Variants in SULT6B1 observed in about 807,000 individuals in gnomAD.
SULT6B1 encodes the protein sulfotransferase family 6B member 1.
A neutral mutation model predicts 37.2 loss-of-function variants in SULT6B1; 44 were observed. The observed-to-expected ratio is 1.18, with a 90% confidence interval of 0.93 to 1.52. The LOEUF is 1.52. Among genes scored for constraint, SULT6B1 ranks in the 40% most tolerant of loss-of-function variants. SULT6B1 has a pLI of 0.00. For missense variants in SULT6B1, 450 were observed against 361.0 expected (o/e 1.25, Z -2.00); for synonymous variants, 140 against 126.0 (o/e 1.11, Z -0.74).
intron 4 of SULT6B1, among the ~76,000 whole-genome samples, chr2:37,177,411 C>CAAAA (rs57205863): frequency 3.4e-3 from 254 of 75,724 alleles, no homozygotes; most frequent in Non-Finnish European, 4.4e-3. Flanking sequence ...AATCTTGTCT[C>CAAAA]AAAAAAAAAA....
intron 2 of SULT6B1, among the ~76,000 whole-genome samples, chr2:37,185,031 T>A (rs1676641444): frequency 6.6e-6 from 1 of 152,170 alleles, no homozygotes; most frequent in Admixed American, 6.6e-5. Flanking sequence ...TCCTCTTAGG[T>A]AGATATCGTA....
intron 2 of SULT6B1, among the ~76,000 whole-genome samples, chr2:37,185,174 G>C (rs1676644461): frequency 6.6e-6 from 1 of 152,096 alleles, no homozygotes; most frequent in Non-Finnish European, 1.5e-5. Flanking sequence ...ATCATGTACA[G>C]ACACATGAGA....
intron 3 of SULT6B1, among the ~76,000 whole-genome samples, chr2:37,182,276 C>A (rs1676570053): frequency 7.4e-6 from 1 of 134,648 alleles, no homozygotes; most frequent in South Asian, 2.4e-4. Flanking sequence ...TTTTTTGAGA[C>A]AAGGTCTCGC....
chr2:37,183,684 C>T (rs931003827), intron 2 of SULT6B1, among the ~76,000 whole-genome samples, 170 bp from the exon 3 acceptor site: 4 of 152,202 alleles, frequency 2.6e-5, no homozygotes, highest in African/African-American at 9.7e-5. Context: ...CACTCTGTCG[C>T]CCAGGCTGTA....
chr2:37,182,258 T>C (rs931911699), intron 3 of SULT6B1, among the ~76,000 whole-genome samples: 2 of 150,930 alleles, frequency 1.3e-5, no homozygotes, highest in African/African-American at 4.9e-5. Context: ...GTTAAATTTT[T>C]TTTTTTTTTT....
At chr2:37,184,323 G>A (rs544986859) in intron 2 of SULT6B1, among the ~76,000 whole-genome samples, 1 of 152,160 alleles carries the variant, frequency 6.6e-6, no homozygotes, top group Non-Finnish European at 1.5e-5. Flanking sequence ...TTACTTAAAT[G>A]TCCGAGAAAT....
chr2:37,188,356 A>G (rs1676716341), intron 1 of SULT6B1, 86 bp downstream of exon 1: 3 of 1,162,058 alleles, frequency 2.6e-6, no homozygotes, highest in East Asian at 2.4e-5. Context: ...GCAATGAGGA[A>G]CCGCCTTCAT....
chr2:37,194,126 G>C (rs1676842995), intron 1 of SULT6B1, among the ~76,000 whole-genome samples: 1 of 151,274 alleles, frequency 6.6e-6, no homozygotes, highest in South Asian at 2.1e-4. Context: ...AGTTATATTT[G>C]ATGTAGTTGA....
chr2:37,176,697 C>T (rs1468389187), intron 4 of SULT6B1, among the ~76,000 whole-genome samples: 2 of 152,172 alleles, frequency 1.3e-5, no homozygotes, highest in South Asian at 2.1e-4. Flanking sequence ...TACCCAACAT[C>T]TAATACATCC....
rs1417658724 is a variant in SULT6B1 at position 37,182,534 on chromosome 2, G to T, written c.402+891C>A. Among the ~76,000 whole-genome samples, 4 of 152,118 alleles carry T rather than the reference G, an allele frequency of 2.6e-5. No individual in the cohort carries two copies. The East Asian group carries it at 7.7e-4, about 29-fold the overall frequency. On this transcript the variant is annotated intron_variant, in intron 3 of 6. Coordinates refer to ENST00000535679, the MANE Select transcript of SULT6B1 (RefSeq NM_001367551.1). ...TGTAGAGATGTGGTTTCACCATGTTGGCCAGGCTGGTCTCGAACTACTGAC... is the reference window on the plus strand; with the variant it reads ...TGTAGAGATGTGGTTTCACCATGTTTGCCAGGCTGGTCTCGAACTACTGAC...
chr2:37,178,521 C>T (rs1676480247), intron 4 of SULT6B1, among the ~76,000 whole-genome samples: 1 of 152,202 alleles, frequency 6.6e-6, no homozygotes, highest in South Asian at 2.1e-4. Context: ...CAGGCATGAG[C>T]TACTGTGCCT....
intron 1 of SULT6B1, among the ~76,000 whole-genome samples, chr2:37,188,126 A>C (rs553187041): frequency 2.0e-5 from 3 of 152,302 alleles, no homozygotes; most frequent in East Asian, 1.9e-4. Context: ...TGCTACTGTC[A>C]CTGTTCCTTG....
At chr2:37,193,173 C>T (rs746520380), upstream of SULT6B1, among the ~76,000 whole-genome samples, 18 of 151,896 alleles carry the variant, frequency 1.2e-4, no homozygotes, top group East Asian at 5.8e-4. Flanking sequence ...AGTTTCTTTC[C>T]GCCTGGGTGT....
At chr2:37,176,879 G>A (rs548791706) in intron 4 of SULT6B1, among the ~76,000 whole-genome samples, 8 of 152,284 alleles carry the variant, frequency 5.3e-5, no homozygotes, top group African/African-American at 1.9e-4. Flanking sequence ...CTATTGCTGT[G>A]TGGAGCTAAG....
upstream of SULT6B1, among the ~76,000 whole-genome samples, chr2:37,192,033 C>G (rs920255771): frequency 6.6e-6 from 1 of 152,178 alleles, no homozygotes; most frequent in African/African-American, 2.4e-5. Context: ...AGCACTGGAT[C>G]TAGGTGGGAG....
chr2:37,189,549 C>A (rs1676741282), upstream of SULT6B1, among the ~76,000 whole-genome samples: 1 of 152,194 alleles, frequency 6.6e-6, no homozygotes, highest in Admixed American at 6.5e-5. Flanking sequence ...ATGATTCTTC[C>A]TTTAGGGTGG....
intron 2 of SULT6B1, among the ~76,000 whole-genome samples, chr2:37,184,478 GTA>G (rs1431303870): frequency 2.6e-5 from 4 of 152,186 alleles, no homozygotes; most frequent in Non-Finnish European, 4.4e-5. Flanking sequence ...CAGACCATTA[GTA>G]TATGTTATGC....
At chr2:37,194,963 T>C (rs926462930) in intron 1 of SULT6B1, among the ~76,000 whole-genome samples, 4 of 133,910 alleles carry the variant, frequency 3.0e-5, no homozygotes, top group Non-Finnish European at 6.3e-5. Context: ...CTTCCTTCCA[T>C]TTTTGAGACA....
At chr2:37,188,318 C>G (rs1312333260) in intron 1 of SULT6B1, 124 bp downstream of exon 1, 3 of 751,330 alleles carry the variant, frequency 4.0e-6, no homozygotes, top group Non-Finnish European at 6.7e-6. Context: ...TGTGGCCCTC[C>G]TCCTCACTGA....
Sources: allele counts gnomAD v4.1 joint callset (sites outside exome capture counted in the v4.1 genomes callset), GRCh38; gene constraint gnomAD v4.1.1; transcripts MANE v1.5; gene names NCBI Gene and HGNC (gene_info 2026-07-23, HGNC 2026-07-21).